DAB2IP: variants seen among roughly 807,000 people sequenced by gnomAD.
DAB2IP encodes DAB2 interacting protein.
DAB2IP carries 28 observed loss-of-function variants against 107.2 expected under a neutral mutation model. The ratio of observed to expected loss-of-function variants is 0.26; its 90% CI spans 0.19 to 0.36. DAB2IP has a LOEUF of 0.36. DAB2IP is among the 10% of genes least tolerant of loss of function. DAB2IP has a pLI of 1.00. For missense variants in DAB2IP, 1,400 were observed against 1,644.7 expected, an observed-to-expected ratio of 0.85 and a Z score of 2.57; for synonymous variants, 755 against 706.4, an observed-to-expected ratio of 1.07 and a Z score of -1.09.
rs957855341 is a variant in DAB2IP at position 121,763,133 on chromosome 9, G to T, written c.1171-372G>T. Among the ~76,000 whole-genome samples the T allele has an allele frequency of 2.0e-5, 3 of 152,338 alleles. No homozygotes were observed. The East Asian group carries it at 5.8e-4, about 29-fold the overall frequency. ...ATTTGTCCTCTTTGGCACTGATGGT[G>T]CGGGGAGAGGCGAGTCCTGCTGTGG... On this transcript the variant is annotated intron_variant, in intron 6 of 15. Coordinates refer to ENST00000408936, the Ensembl canonical transcript of DAB2IP.
exon 16 of DAB2IP, chr9:121,784,003 C>T (rs1835837057): frequency 4.7e-6 from 1 of 214,592 alleles, no homozygotes; most frequent in African/African-American, 2.2e-5. Flanking sequence ...TGGAATGTGC[C>T]ACAGAGGCCC....
At chr9:121,611,203 A>G (rs1001668313) in intron 1 of DAB2IP, among the ~76,000 whole-genome samples, 1 of 152,172 alleles carries the variant, frequency 6.6e-6, no homozygotes, top group African/African-American at 2.4e-5. Flanking sequence ...CGAACTCCTG[A>G]CTTCAAGTGA....
chr9:121,696,985 C>T (rs1829461265), intron 2 of DAB2IP, among the ~76,000 whole-genome samples: 1 of 152,206 alleles, frequency 6.6e-6, no homozygotes, highest in South Asian at 2.1e-4. Flanking sequence ...GTGTCTAGCA[C>T]ATAATGGCTC....
intron 3 of DAB2IP, among the ~76,000 whole-genome samples, chr9:121,743,982 T>C (rs1832537640): frequency 6.6e-6 from 1 of 152,162 alleles, no homozygotes; most frequent in Non-Finnish European, 1.5e-5. Context: ...TTTTAGTTTT[T>C]AAAATAAGAG....
Position 121,635,059 on chromosome 9 carries a change from T to A in DAB2IP, c.41-43619T>A, listed in dbSNP as rs991662313. Among the ~76,000 whole-genome samples the A allele has an allele frequency of 6.6e-6, 1 of 152,164 alleles. No homozygotes were observed. The highest frequency in any genetic ancestry group is 2.4e-5 in the African/African-American group (1 of 41,446). ...GTGCGTGTGTATGTGTGTGTGCATG[T>A]GCGTGTATGTCTATGTGCGAAGGGG... On this transcript the variant is annotated intron_variant, in intron 1 of 16. Transcript: ENST00000259371. The surrounding 1 kb of genome is among the most constrained non-coding windows in gnomAD (Gnocchi z 4.3).
Position 121,651,899 on chromosome 9 carries a change from G to A in DAB2IP, c.124G>A (p.Glu42Lys). ...CCGCAGCCGGACCCGGCCTGCCAGGGGTAGGCGCCACCCCGACCCCTGACC... is the reference window on the plus strand; with the variant it reads ...CCGCAGCCGGACCCGGCCTGCCAGGAGTAGGCGCCACCCCGACCCCTGACC... Residue 42 changes from glutamate (E) to lysine (K), a missense_variant and splice_region_variant, in exon 1 of 16, where the codon GAG (glutamate) becomes AAG (lysine). By Grantham distance (56) the Glu-to-Lys change is moderately conservative. Around this residue, in one of 3 missense-constraint regions of DAB2IP, gnomAD observed 283 missense variants for 237.0 expected, o/e 1.19. Transcript: ENST00000408936. The surrounding 1 kb of genome is among the most constrained non-coding windows in gnomAD (Gnocchi z 5.1). 7.2e-7 allele frequency: 1 copy of A among 1,396,148 alleles called. No individual in the cohort carries two copies. The allele number at this position is 1,396,148 out of a possible 1,614,324, so 86.5% of individuals were successfully genotyped here.
chr9:121,731,677 C>T (rs1831547612), intron 3 of DAB2IP, among the ~76,000 whole-genome samples: 1 of 147,774 alleles, frequency 6.8e-6, no homozygotes, highest in African/African-American at 2.4e-5. Flanking sequence ...GGGGCTGGGG[C>T]TGGGGCTGGG....
chr9:121,650,289 C>G (rs1260766976), upstream of DAB2IP, among the ~76,000 whole-genome samples: 3 of 152,170 alleles, frequency 2.0e-5, no homozygotes, highest in Non-Finnish European at 4.4e-5. Context: ...TCCTGCCCCT[C>G]CCCCCTGGTC....
At chr9:121,604,288 G>A (rs1437685433) in intron 1 of DAB2IP, among the ~76,000 whole-genome samples, 2 of 152,146 alleles carry the variant, frequency 1.3e-5, no homozygotes, top group Non-Finnish European at 2.9e-5. Flanking sequence ...TGACCTGAAC[G>A]GTTCTAACCT....
In DAB2IP at chr9:121,782,930, C is replaced by T. The variant is rs1048189816; in HGVS notation, c.*432C>T. ...TACACCTGTGGCTTCCCCTCGCCTC[C>T]TTGGGGGGCCCGGGACTCCCTGGCA... On this transcript the variant is annotated 3_prime_UTR_variant, in exon 16 of 16. Transcript: ENST00000408936. The surrounding 1 kb of genome is among the most constrained non-coding windows in gnomAD (Gnocchi z 6.1). 16 of 1,020,958 alleles carry T rather than the reference C, an allele frequency of 1.6e-5. No homozygotes were observed. Among genetic ancestry groups the T allele is most frequent in the Non-Finnish European group, 1.8e-5 (15 of 851,824 alleles). 63.2% of individuals were successfully genotyped at this position (1,020,958 alleles called of 1,614,324 possible). A position where few individuals can be genotyped will look rare whatever the true frequency, so the allele number is the denominator to read the frequency against.
chr9:121,685,006 T>C (rs942247577), intron 2 of DAB2IP, among the ~76,000 whole-genome samples: 12 of 152,168 alleles, frequency 7.9e-5, no homozygotes, highest in African/African-American at 2.9e-4. Flanking sequence ...GGTCCCACCA[T>C]GGGCGCCCCA....
At chr9:121,656,442 G>A (rs1832976141) in intron 1 of DAB2IP, among the ~76,000 whole-genome samples, 1 of 152,230 alleles carries the variant, frequency 6.6e-6, no homozygotes, top group Non-Finnish European at 1.5e-5. Context: ...TTCCCTGCAA[G>A]GGCCCTAGGC....
rs955383928 is a variant in DAB2IP, at chr9:121,751,868, C to CGGA, written c.363-5143_363-5141dup. 6.4e-6 allele frequency: 6 copies of CGGA among 930,652 alleles called. No individual in the cohort carries two copies. In the African/African-American group the frequency reaches 1.1e-4, roughly 17 times the overall value. 57.6% of individuals were successfully genotyped at this position (930,652 alleles called of 1,614,324 possible). A position where few individuals can be genotyped will look rare whatever the true frequency, so the allele number is the denominator to read the frequency against. ...CCCTGGCCAAGCTCCTCTGTAGCAG[C>CGGA]GGAGTCCAGGGCAGGTCACCCTAGC... is the stretch of plus-strand genomic sequence containing the variant. On this transcript the variant is annotated intron_variant, in intron 3 of 15. Coordinates refer to ENST00000408936, the Ensembl canonical transcript of DAB2IP.
At chr9:121,773,564 A>G (rs1834939486) in intron 12 of DAB2IP, 69 bp downstream of exon 12, 4 of 1,343,974 alleles carry the variant, frequency 3.0e-6, no homozygotes, top group Admixed American at 7.1e-5. Context: ...ACCCCATACC[A>G]TGCTCCTCCT....
At chr9:121,757,560 A>G (rs1833580807) in intron 4 of DAB2IP, among the ~76,000 whole-genome samples, 1 of 150,630 alleles carries the variant, frequency 6.6e-6, no homozygotes, top group African/African-American at 2.5e-5. Context: ...CCTGTTTCCC[A>G]CTGTGAACAA....
In DAB2IP at chr9:121,651,933, C is replaced by T; in HGVS notation, c.124+34C>T. The T allele has an allele frequency of 1.5e-6, 2 of 1,292,144 alleles. No homozygotes were observed. The highest frequency in any genetic ancestry group is 3.1e-5 in the African/African-American group (2 of 65,350). The allele number at this position is 1,292,144 out of a possible 1,614,324, so 80.0% of individuals were successfully genotyped here. ...CACCCCGACCCCTGACCCCTAGACC[C>T]TCCTAAGGCCACTAAGCCACCTGAT... On this transcript the variant is annotated intron_variant, in intron 1 of 15. Coordinates refer to ENST00000408936, the Ensembl canonical transcript of DAB2IP. The surrounding 1 kb of genome is among the most constrained non-coding windows in gnomAD (Gnocchi z 5.1).
At chr9:121,646,390 T>C (rs552212247) in intron 1 of DAB2IP, among the ~76,000 whole-genome samples, 12 of 152,204 alleles carry the variant, frequency 7.9e-5, no homozygotes, top group African/African-American at 2.7e-4. Flanking sequence ...GGTCCAGCCT[T>C]ATTCCCGGAT....
upstream of DAB2IP, among the ~76,000 whole-genome samples, chr9:121,650,012 T>C: frequency 6.6e-6 from 1 of 151,936 alleles, no homozygotes; most frequent in East Asian, 1.9e-4. Context: ...GTGTGGTTTT[T>C]TTGTTTGTTT....
At chr9:121,568,729 C>T (rs1051351007) in intron 1 of DAB2IP, among the ~76,000 whole-genome samples, 4 of 152,164 alleles carry the variant, frequency 2.6e-5, no homozygotes, top group Admixed American at 6.5e-5. Context: ...TGGATGCTCC[C>T]CTAGGGAGGG....
Sources: gnomAD v4.1 joint callset for allele counts (sites outside exome capture counted in the v4.1 genomes callset) on GRCh38, gnomAD v4.1.1 for gene constraint, gnomAD v4.1.1 regional missense constraint, Gnocchi (gnomAD v3.1) non-coding constraint, MANE v1.5 for transcripts, NCBI Gene and HGNC (gene_info 2026-07-23, HGNC 2026-07-21) for gene names.